ABCA4: variants seen among roughly 807,000 people sequenced by gnomAD.
The protein encoded by ABCA4 is retinal-specific phospholipid-transporting ATPase ABCA4.
ABCA4 carries 196 observed loss-of-function variants against 263.7 expected under a neutral mutation model. The ratio of observed to expected loss-of-function variants is 0.74; its 90% CI spans 0.66 to 0.84. The LOEUF (loss-of-function observed/expected upper bound fraction) is 0.84, where lower values mean the gene tolerates loss of function less well. ABCA4 is among the 40% of genes least tolerant of loss of function. ABCA4 has a pLI of 0.00. For synonymous variants in ABCA4, 1,133 were observed against 1,094.2 expected, an observed-to-expected ratio of 1.04 and a Z score of -0.70; for missense variants, 2,792 against 2,855.1, an observed-to-expected ratio of 0.98 and a Z score of 0.50.
intron 6 of ABCA4, among the ~76,000 whole-genome samples, chr1:94,098,109 C>T (rs1285257921): frequency 6.6e-6 from 1 of 152,198 alleles, no homozygotes; most frequent in African/African-American, 2.4e-5. Context: ...TCTACACCTC[C>T]TTTATCTAAT....
chr1:94,042,945 A>T, intron 21 of ABCA4, 47 bp from the exon 22 acceptor site: 1 of 1,613,156 alleles, frequency 6.2e-7, no homozygotes, highest in Non-Finnish European at 8.5e-7. Flanking sequence ...GTGGAGGGTG[A>T]GGAAGAGAAA....
intron 49 of ABCA4, among the ~76,000 whole-genome samples, chr1:93,994,822 C>T (rs1658953780): frequency 1.3e-5 from 2 of 152,264 alleles, no homozygotes; most frequent in East Asian, 1.9e-4. Context: ...GATCACAGAA[C>T]ATCAGCACCC....
chr1:94,107,900 G>A lies in ABCA4; in HGVS notation c.442+677C>T, dbSNP rs1662486455. ...CACCCACTGAGACTTCTATTCCCTT[G>A]CCTCTTCATTTCCCCCAGTCCATTT... On this transcript the variant is annotated intron_variant, in intron 4 of 49. Coordinates refer to ENST00000370225, the MANE Select transcript of ABCA4 (RefSeq NM_000350.3). Among the ~76,000 whole-genome samples, 3 of 151,732 alleles carry A rather than the reference G, an allele frequency of 2.0e-5. No individual in the cohort carries two copies. In the South Asian group the frequency reaches 6.3e-4, roughly 32 times the overall value.
intron 10 of ABCA4, 87 bp downstream of exon 10, chr1:94,078,503 C>A (rs1254933893): frequency 4.2e-5 from 46 of 1,092,886 alleles, no homozygotes; most frequent in Middle Eastern, 5.6e-4. Context: ...GCGATTAACT[C>A]TTTCCTGGGA....
chr1:94,017,723 G>A (rs1411024155), intron 36 of ABCA4, among the ~76,000 whole-genome samples: 1 of 152,144 alleles, frequency 6.6e-6, no homozygotes, highest in Non-Finnish European at 1.5e-5. Context: ...GCTGAGGGGT[G>A]TGAGAGAGAG....
intron 6 of ABCA4, among the ~76,000 whole-genome samples, chr1:94,095,728 A>T (rs1662107804): frequency 6.7e-6 from 1 of 148,678 alleles, no homozygotes; most frequent in South Asian, 2.1e-4. Flanking sequence ...GTCCCATTTT[A>T]ATGCCTGCAA....
intron 6 of ABCA4, among the ~76,000 whole-genome samples, chr1:94,087,726 C>A (rs189547891): frequency 1.1e-3 from 165 of 152,302 alleles, no homozygotes; most frequent in African/African-American, 3.7e-3. Context: ...AAATGAAACC[C>A]ACGGTTTCTC....
chr1:94,098,670 G>A (rs1662200193), intron 6 of ABCA4, 124 bp downstream of exon 6: 3 of 1,139,878 alleles, frequency 2.6e-6, no homozygotes, highest in African/African-American at 3.1e-5. Context: ...AGCCCTGGGA[G>A]CCTGGAGCTT....
chr1:94,027,289 C>A (rs1198280766), intron 30 of ABCA4, among the ~76,000 whole-genome samples: 1 of 152,230 alleles, frequency 6.6e-6, no homozygotes, highest in Non-Finnish European at 1.5e-5. Context: ...CTAAGCTGGA[C>A]AGACCGCGTG....
chr1:94,028,385 C>T (rs1404090430), intron 30 of ABCA4, among the ~76,000 whole-genome samples: 1 of 152,196 alleles, frequency 6.6e-6, no homozygotes, highest in Admixed American at 6.5e-5. Context: ...GGACAGGGTG[C>T]TGCTCAGAGC....
intron 43 of ABCA4, 75 bp from the exon 44 acceptor site, chr1:94,005,657 C>A (rs964750756): frequency 1.4e-6 from 2 of 1,472,294 alleles, no homozygotes; most frequent in Non-Finnish European, 1.9e-6. Context: ...GCTGGAGAAG[C>A]TTCTGCCAAC....
intron 7 of ABCA4, among the ~76,000 whole-genome samples, chr1:94,081,035 G>T (rs978323772): frequency 2.0e-5 from 3 of 151,824 alleles, no homozygotes; most frequent in Middle Eastern, 3.2e-3. Context: ...CCATCCTGGC[G>T]AACATGGTGA....
chr1:94,023,290 C>G lies in ABCA4; in HGVS notation c.4667+96G>C, dbSNP rs1659948647. On this transcript the variant is annotated intron_variant, in intron 32 of 49. Coordinates refer to ENST00000370225, the MANE Select transcript of ABCA4 (RefSeq NM_000350.3). ...TTCCTGAGCACCTACAGAACAGCCC[C>G]TCCTCATGGCTGTGAGGTGTGCCTT... The G allele has an allele frequency of 1.5e-5, 16 of 1,047,906 alleles. No individual in the cohort carries two copies. In the South Asian group the frequency reaches 1.9e-4, roughly 12 times the overall value. The allele number at this position is 1,047,906 out of a possible 1,614,324, so 64.9% of individuals were successfully genotyped here.
At chr1:94,101,109 C>A (rs1052906068) in intron 5 of ABCA4, among the ~76,000 whole-genome samples, 3 of 152,242 alleles carry the variant, frequency 2.0e-5, no homozygotes, top group African/African-American at 7.2e-5. Flanking sequence ...GGCCTCCATT[C>A]TCCAACATGA....
intron 49 of ABCA4, among the ~76,000 whole-genome samples, chr1:93,993,702 G>A (rs967245332): frequency 1.3e-5 from 2 of 152,068 alleles, no homozygotes; most frequent in African/African-American, 4.8e-5. Flanking sequence ...ACTGGGGGAG[G>A]GGAGAGATGA....
Position 94,060,558 on chromosome 1 carries a change from G to A in ABCA4, c.2139C>T (p.Phe713=). 3 of 1,614,102 alleles carry A rather than the reference G, an allele frequency of 1.9e-6. No homozygotes were observed. The highest frequency in any genetic ancestry group is 2.5e-6 in the Non-Finnish European group (3 of 1,180,032). Residue 713 remains phenylalanine, a synonymous_variant, in exon 14 of 50, where the codon TTC becomes TTT. Coordinates refer to ENST00000370225, the MANE Select transcript of ABCA4 (RefSeq NM_000350.3). The stretch of plus-strand genomic sequence containing the variant: ...TTACCATGATGAATATCGTCAGGAG[G>A]AAGATGCTCATCGACATGATGGAGA... ...DSFSIMSMSI[F]LLTIFIMHGR... is the part of the protein sequence containing the mutation.
At chr1:94,092,875 A>G (rs1163798736) in intron 6 of ABCA4, among the ~76,000 whole-genome samples, 1 of 152,208 alleles carries the variant, frequency 6.6e-6, no homozygotes. Context: ...CTTTTATAAG[A>G]GCAAAATGCT....
At chr1:94,081,226 AAACAACAAC>A (rs371923043) in intron 7 of ABCA4, among the ~76,000 whole-genome samples, 2 of 152,060 alleles carry the variant, frequency 1.3e-5, no homozygotes, top group Admixed American at 6.5e-5. Flanking sequence ...CTCCGTCTCA[AAACAACAAC>A]AACAACAACA....
At chr1:94,075,413 G>T (rs1661514089) in intron 11 of ABCA4, among the ~76,000 whole-genome samples, 1 of 152,140 alleles carries the variant, frequency 6.6e-6, no homozygotes. Context: ...AGACAAGTTG[G>T]TGATCGCTTA....
Sources: gnomAD v4.1 joint callset for allele counts (sites outside exome capture counted in the v4.1 genomes callset) on GRCh38, gnomAD v4.1.1 for gene constraint, MANE v1.5 for transcripts, NCBI Gene and HGNC (gene_info 2026-07-23, HGNC 2026-07-21) for gene names.